CNTN5: variants seen among roughly 807,000 people sequenced by gnomAD.
CNTN5 encodes contactin 5, also known as contactin-5.
CNTN5 carries 77 observed loss-of-function variants against 129.1 expected under a neutral mutation model. The ratio of observed to expected loss-of-function variants is 0.60; its 90% CI spans 0.50 to 0.72. The LOEUF is 0.72. Ranked by LOEUF, CNTN5 falls within the 30% of genes least tolerant of loss-of-function variation. The pLI is 0.00. For synonymous variants in CNTN5, 509 were observed against 465.6 expected (o/e 1.09, Z -1.20); for missense variants, 1,478 against 1,328.8 (o/e 1.11, Z -1.75).
chr11:99,241,767 A>G (rs545766167), intron 1 of CNTN5, among the ~76,000 whole-genome samples: 43 of 152,292 alleles, frequency 2.8e-4, no homozygotes, highest in Admixed American at 7.8e-4. Context: ...ATTCACAGTT[A>G]TGTATCAAAA....
intron 3 of CNTN5, among the ~76,000 whole-genome samples, chr11:99,788,202 C>T (rs1045406374): frequency 1.1e-4 from 16 of 151,858 alleles, no homozygotes; most frequent in Non-Finnish European, 2.1e-4. Context: ...TTTTTAGTTT[C>T]TTAACTTCAA....
At chr11:100,318,454 G>C (rs1050818922) in intron 21 of CNTN5, among the ~76,000 whole-genome samples, 3 of 152,012 alleles carry the variant, frequency 2.0e-5, no homozygotes, top group African/African-American at 7.3e-5. Flanking sequence ...AATGTAGAGA[G>C]CAATTTATTT....
chr11:99,148,256 G>T (rs1013771119), intron 1 of CNTN5, among the ~76,000 whole-genome samples: 5 of 151,976 alleles, frequency 3.3e-5, no homozygotes, highest in Non-Finnish European at 4.4e-5. Flanking sequence ...AATTTTAAAG[G>T]TTTTCATGTT....
chr11:100,035,993 T>G (rs1328878771), intron 9 of CNTN5, among the ~76,000 whole-genome samples: 1 of 152,230 alleles, frequency 6.6e-6, no homozygotes, highest in South Asian at 2.1e-4. Context: ...ATGTCAATTT[T>G]GGCTTTTGGT....
chr11:100,202,481 A>G (rs994390778), intron 15 of CNTN5, among the ~76,000 whole-genome samples: 7 of 151,256 alleles, frequency 4.6e-5, no homozygotes, highest in African/African-American at 1.7e-4. Context: ...ACATTTCACT[A>G]TCATGGGCAA....
chr11:99,814,939 G>A (rs565908484), intron 3 of CNTN5, among the ~76,000 whole-genome samples: 2 of 152,088 alleles, frequency 1.3e-5, no homozygotes, highest in Non-Finnish European at 2.9e-5. Flanking sequence ...TTCTTCACAA[G>A]GTGGCAGTAG....
At chr11:99,970,674 G>T (rs1441041066) in intron 8 of CNTN5, among the ~76,000 whole-genome samples, 1 of 152,136 alleles carries the variant, frequency 6.6e-6, no homozygotes, top group East Asian at 1.9e-4. Context: ...CATGTGTTGC[G>T]GGGGAGGTGC....
chr11:99,924,204 C>T (rs1490256196), intron 7 of CNTN5, among the ~76,000 whole-genome samples: 1 of 152,164 alleles, frequency 6.6e-6, no homozygotes, highest in East Asian at 1.9e-4. Context: ...AACATTTTTA[C>T]ATGGTTGCTG....
At chr11:99,391,469 A>T (rs895164940) in intron 2 of CNTN5, among the ~76,000 whole-genome samples, 1 of 152,156 alleles carries the variant, frequency 6.6e-6, no homozygotes, top group Non-Finnish European at 1.5e-5. Flanking sequence ...CTGCTGTCAT[A>T]TAGTAGCTAA....
At position 99,552,248 on chromosome 11, in the gene CNTN5, T is replaced by A. The variant is rs1047284055; in HGVS notation, c.-70-3897T>A. Among the ~76,000 whole-genome samples the A allele has an allele frequency of 1.2e-4, 17 of 145,424 alleles. No homozygotes were observed. The East Asian group carries it at 3.6e-3, about 31-fold the overall frequency. ...TTTTGTATTATATTTTGCCAAAAAA[T>A]TTATTTCCTAGAGACTTCAGTTTAT... On this transcript the variant is annotated intron_variant, in intron 2 of 24. Coordinates refer to ENST00000524871, the MANE Select transcript of CNTN5 (RefSeq NM_014361.4).
At chr11:99,437,427 G>T (rs758571739) in intron 2 of CNTN5, among the ~76,000 whole-genome samples, 13 of 152,254 alleles carry the variant, frequency 8.5e-5, no homozygotes, top group Non-Finnish European at 1.8e-4. Flanking sequence ...GACTAAGAAA[G>T]TCTGATTAAA....
chr11:99,521,619 C>T (rs1268472421), intron 2 of CNTN5, among the ~76,000 whole-genome samples: 3 of 152,116 alleles, frequency 2.0e-5, no homozygotes, highest in Admixed American at 6.5e-5. Flanking sequence ...GCTTTAACTG[C>T]GTTAGCTTGC....
chr11:99,496,579 A>G (rs1299989640), intron 2 of CNTN5, among the ~76,000 whole-genome samples: 1 of 152,236 alleles, frequency 6.6e-6, no homozygotes, highest in Admixed American at 6.5e-5. Flanking sequence ...GTAAAGGCAT[A>G]CACATAATTC....
chr11:100,297,276 A>G (rs1156233289), intron 18 of CNTN5, among the ~76,000 whole-genome samples: 2 of 151,482 alleles, frequency 1.3e-5, no homozygotes, highest in Admixed American at 1.3e-4. Flanking sequence ...CCCCGGGATA[A>G]CAAAAAAGAG....
intron 13 of CNTN5, among the ~76,000 whole-genome samples, chr11:100,099,146 T>A (rs1199562816): frequency 2.6e-5 from 4 of 152,068 alleles, no homozygotes; most frequent in African/African-American, 9.7e-5. Context: ...TCATTTTAAT[T>A]ACCTTGGTTA....
chr11:99,994,317 G>A (rs904839197), intron 8 of CNTN5, among the ~76,000 whole-genome samples: 1 of 76,756 alleles, frequency 1.3e-5, no homozygotes, highest in Non-Finnish European at 2.9e-5. Flanking sequence ...CTAAAATGTC[G>A]TACAACCTTG....
At chr11:99,583,425 G>T (rs1041476610) in intron 3 of CNTN5, among the ~76,000 whole-genome samples, 12 of 152,206 alleles carry the variant, frequency 7.9e-5, no homozygotes, top group African/African-American at 2.9e-4. Flanking sequence ...CCCCAGAGGT[G>T]GAGCCTACAA....
chr11:99,946,845 T>A (rs1950563563), intron 7 of CNTN5, among the ~76,000 whole-genome samples: 2 of 151,936 alleles, frequency 1.3e-5, no homozygotes, highest in South Asian at 2.1e-4. Context: ...TATGCAAATA[T>A]CAAAATACAT....
chr11:99,059,393 C>T (rs953690395), intron 1 of CNTN5, among the ~76,000 whole-genome samples: 1 of 152,086 alleles, frequency 6.6e-6, no homozygotes, highest in African/African-American at 2.4e-5. Context: ...CTATGACCCT[C>T]CTAGTGGAAG....
Sources: gnomAD v4.1 joint callset for allele counts (sites outside exome capture counted in the v4.1 genomes callset) on GRCh38, gnomAD v4.1.1 for gene constraint, MANE v1.5 for transcripts, NCBI Gene and HGNC (gene_info 2026-07-23, HGNC 2026-07-21) for gene names.